The following ACOXL variants were observed in gnomAD, a reference collection of about 807,000 sequenced individuals.
The protein encoded by ACOXL is acyl-coenzyme A oxidase-like protein.
In ACOXL, 70 loss-of-function variants were observed where a neutral mutation model predicts 71.9. The ratio of observed to expected loss-of-function variants is 0.97; its 90% CI spans 0.80 to 1.19. The LOEUF (loss-of-function observed/expected upper bound fraction) is 1.19, where lower values mean the gene tolerates loss of function less well. Ranked by LOEUF, ACOXL falls within the 50% of genes most tolerant of loss-of-function variation. The probability of loss-of-function intolerance (pLI) is 0.00; values close to 1 mark genes in which losing one functional copy is unlikely to be tolerated. For missense variants in ACOXL, 703 were observed against 736.3 expected, an observed-to-expected ratio of 0.95 and a Z score of 0.52; for synonymous variants, 253 against 281.6, an observed-to-expected ratio of 0.90 and a Z score of 1.02.
intron 10 of ACOXL, 33 bp downstream of exon 10, chr2:110,841,438 T>C: frequency 6.3e-7 from 1 of 1,581,020 alleles, no homozygotes; most frequent in Non-Finnish European, 8.7e-7. Flanking sequence ...CTTTTAAGAA[T>C]TATCCTTACC....
intron 14 of ACOXL, among the ~76,000 whole-genome samples, chr2:111,010,187 T>C (rs573017240): frequency 7.3e-4 from 111 of 152,120 alleles, no homozygotes; most frequent in Non-Finnish European, 1.3e-3. Context: ...TTAAAAAATA[T>C]GAATTTATAA....
At chr2:111,040,508 C>T (rs1359638553) in intron 15 of ACOXL, among the ~76,000 whole-genome samples, 2 of 152,172 alleles carry the variant, frequency 1.3e-5, no homozygotes, top group Admixed American at 1.3e-4. Flanking sequence ...GACTGTGTTA[C>T]ACTCCAGGAA....
At position 110,901,642 on chromosome 2, in the gene ACOXL, C is replaced by CCACACA. The variant is rs10537484; in HGVS notation, c.789-7120_789-7115dup. Among the ~76,000 whole-genome samples the CCACACA allele has an allele frequency of 3.0e-3, 439 of 147,120 alleles. 1 individual carries two copies. Among genetic ancestry groups the CCACACA allele is most frequent in the African/African-American group, 8.9e-3 (356 of 39,844 alleles). On this transcript the variant is annotated intron_variant, in intron 10 of 17. Transcript: ENST00000439055. ...TATCAAAGAAGCATATATCTCTACG[C>CCACACA]CACACACACACACACACACACACAC...
chr2:111,095,426 C>G (rs945982885), intron 17 of ACOXL, among the ~76,000 whole-genome samples: 1 of 120,486 alleles, frequency 8.3e-6, no homozygotes, highest in Non-Finnish European at 1.6e-5. Flanking sequence ...GAGTCTTGCT[C>G]TGTCACCCAG....
intron 14 of ACOXL, among the ~76,000 whole-genome samples, chr2:111,004,491 A>C (rs1033959189): frequency 6.6e-6 from 1 of 152,076 alleles, no homozygotes; most frequent in African/African-American, 2.4e-5. Context: ...CCAGAATTTC[A>C]CTTAAAATGG....
At chr2:111,033,017 G>A (rs1030786973) in intron 15 of ACOXL, among the ~76,000 whole-genome samples, 3 of 152,208 alleles carry the variant, frequency 2.0e-5, no homozygotes, top group African/African-American at 4.8e-5. Flanking sequence ...GGGCTCTGGA[G>A]TAAACGTGCC....
At chr2:110,994,239 G>A (rs1460857798) in intron 13 of ACOXL, among the ~76,000 whole-genome samples, 2 of 152,144 alleles carry the variant, frequency 1.3e-5, no homozygotes, top group African/African-American at 4.8e-5. Flanking sequence ...ATAGACTGAG[G>A]CAGAAACCCA....
chr2:111,080,058 C>T (rs2067822281), intron 16 of ACOXL, among the ~76,000 whole-genome samples: 2 of 152,134 alleles, frequency 1.3e-5, no homozygotes, highest in African/African-American at 2.4e-5. Flanking sequence ...TCTGTGGGAT[C>T]AGTGGGGATA....
chr2:110,751,845 A>G (rs1362116349), intron 1 of ACOXL, among the ~76,000 whole-genome samples: 1 of 152,222 alleles, frequency 6.6e-6, no homozygotes, highest in African/African-American at 2.4e-5. Context: ...TGTTGACTCA[A>G]CATATTTTAG....
chr2:111,052,080 C>T (rs575011607), intron 16 of ACOXL, among the ~76,000 whole-genome samples: 95 of 152,264 alleles, frequency 6.2e-4, no homozygotes, highest in Admixed American at 1.2e-3. Context: ...AGGTCAGATT[C>T]CCCTGCAAAG....
At chr2:111,102,087 GA>G (rs1456874029) in intron 17 of ACOXL, 14 of 152,570 alleles carry the variant, frequency 9.2e-5, no homozygotes, top group Non-Finnish European at 2.1e-4. Context: ...CTAAAACAGG[GA>G]AATAGGGAAA....
At chr2:110,891,884 C>T (rs898187510) in intron 10 of ACOXL, among the ~76,000 whole-genome samples, 2 of 151,922 alleles carry the variant, frequency 1.3e-5, no homozygotes, top group African/African-American at 4.8e-5. Flanking sequence ...CTCTGTGGTC[C>T]AGCTTCCACT....
intron 2 of ACOXL, among the ~76,000 whole-genome samples, chr2:110,774,568 C>T (rs1195070243): frequency 6.6e-6 from 1 of 152,128 alleles, no homozygotes; most frequent in South Asian, 2.1e-4. Flanking sequence ...AACAATTCTA[C>T]TTATCATAGC....
At chr2:111,049,358 A>G in intron 16 of ACOXL, 70 bp downstream of exon 16, 1 of 1,232,186 alleles carries the variant, frequency 8.1e-7, no homozygotes, top group Non-Finnish European at 1.2e-6. Context: ...GGAGAGTTTC[A>G]TTTTTACAAG....
At chr2:110,919,680 C>A (rs2059996273) in intron 11 of ACOXL, among the ~76,000 whole-genome samples, 1 of 152,090 alleles carries the variant, frequency 6.6e-6, no homozygotes, top group Admixed American at 6.5e-5. Context: ...AAAATTGTTC[C>A]ACCTCCCACC....
chr2:111,046,076 A>ACTC (rs2066003410), intron 15 of ACOXL, among the ~76,000 whole-genome samples: 1 of 151,816 alleles, frequency 6.6e-6, no homozygotes, highest in Non-Finnish European at 1.5e-5. Flanking sequence ...GGAAGGAAAA[A>ACTC]CTCCATGTGT....
At chr2:110,817,479 T>C (rs1688052017) in intron 9 of ACOXL, among the ~76,000 whole-genome samples, 2 of 152,262 alleles carry the variant, frequency 1.3e-5, no homozygotes, top group Non-Finnish European at 2.9e-5. Context: ...GAAGGGATGC[T>C]GGACATGTTG....
chr2:110,973,644 A>G (rs1311055551), intron 12 of ACOXL, among the ~76,000 whole-genome samples: 1 of 152,190 alleles, frequency 6.6e-6, no homozygotes, highest in Non-Finnish European at 1.5e-5. Flanking sequence ...CTGAGCTAAG[A>G]CACAAGTTGA....
At chr2:110,984,944 T>C (rs1470374590) in intron 12 of ACOXL, among the ~76,000 whole-genome samples, 1 of 152,162 alleles carries the variant, frequency 6.6e-6, no homozygotes, top group East Asian at 1.9e-4. Context: ...AGTAAACAAG[T>C]TGTGGTCTGT....
Sources: allele counts gnomAD v4.1 joint callset (sites outside exome capture counted in the v4.1 genomes callset), GRCh38; gene constraint gnomAD v4.1.1; transcripts MANE v1.5; gene names NCBI Gene and HGNC (gene_info 2026-07-23, HGNC 2026-07-21).